DPYSL2: variants seen among roughly 807,000 people sequenced by gnomAD.
The protein encoded by DPYSL2 is dihydropyrimidinase like 2, also known as dihydropyrimidinase-related protein 2.
DPYSL2 carries 13 observed loss-of-function variants against 69.9 expected under a neutral mutation model. The observed-to-expected ratio is 0.19, with a 90% confidence interval of 0.12 to 0.30. DPYSL2 has a LOEUF of 0.30. Ranked by LOEUF, DPYSL2 falls within the 10% of genes least tolerant of loss-of-function variation. DPYSL2 has a pLI of 1.00. For synonymous variants in DPYSL2, 326 were observed against 359.1 expected (o/e 0.91, Z 1.04); for missense variants, 587 against 918.9 (o/e 0.64, Z 4.67).
In DPYSL2 at chr8:26,650,303, G is replaced by A. The variant is rs767977640; in HGVS notation, c.1597-1954G>A. On this transcript the variant is annotated intron_variant, in intron 11 of 13. Coordinates refer to ENST00000521913, the MANE Select transcript of DPYSL2 (RefSeq NM_001197293.3). The surrounding 1 kb of genome is among the most constrained non-coding windows in gnomAD (Gnocchi z 5.3). ...TGAACCCAGGGCAGATGTCTCCATG[G>A]CCGAGGCTGCGCCCATACTCTACCC... Among the ~76,000 whole-genome samples, 1 of 152,188 alleles carries A rather than the reference G, an allele frequency of 6.6e-6. No homozygotes were observed. The highest frequency in any genetic ancestry group is 1.5e-5 in the Non-Finnish European group (1 of 68,046).
chr8:26,598,508 A>G lies in DPYSL2; in HGVS notation c.628+14525A>G, dbSNP rs1404974558. Among the ~76,000 whole-genome samples the G allele has an allele frequency of 6.6e-6, 1 of 152,156 alleles. No individual in the cohort carries two copies. The highest frequency in any genetic ancestry group is 1.5e-5 in the Non-Finnish European group (1 of 68,044). On this transcript the variant is annotated intron_variant, in intron 3 of 13. Coordinates refer to ENST00000521913, the MANE Select transcript of DPYSL2 (RefSeq NM_001197293.3). This position sits in a 1 kb window ranked among gnomAD's most constrained non-coding sequence, Gnocchi z 4.2. ...TCCATGTTGCTGTACTTAATGCTTC[A>G]TGTTTTAGAATGTTAGTGCCAGCAG...
Position 26,652,257 on chromosome 8 carries a change from T to C in DPYSL2, c.1597T>C (p.Ser533Pro). ...AGAGTTTACTTTGCCTTCTTCTCAG[T>C]CTCTCGAGTACAACATCTTTGAAGG... is the stretch of plus-strand genomic sequence containing the variant. ...KTISAKTHNS[S>P]LEYNIFEGME... The change falls in exon 12 of 14, where the codon TCT becomes CCT. Residue 533 changes from serine to proline, a missense_variant and splice_region_variant. Ser to Pro is a moderately conservative substitution (Grantham distance 74). Transcript: ENST00000521913. The surrounding 1 kb of genome is among the most constrained non-coding windows in gnomAD (Gnocchi z 6.3). The C allele has an allele frequency of 6.2e-7, 1 of 1,611,152 alleles. No homozygotes were observed. Among genetic ancestry groups the C allele is most frequent in the Non-Finnish European group, 8.5e-7 (1 of 1,178,470 alleles).
chr8:26,525,281 A>G (rs1009706502), intron 1 of DPYSL2, among the ~76,000 whole-genome samples: 7 of 152,154 alleles, frequency 4.6e-5, no homozygotes, highest in Non-Finnish European at 8.8e-5. Context: ...GTGCGGTGGC[A>G]TCATCATAAG....
chr8:26,597,494 A>G lies in DPYSL2; in HGVS notation c.628+13511A>G, dbSNP rs1337007960. ...TTTCTTTTCTTTTCTTTTTTTTTGG[A>G]TACAGAGTCTCCCTCCGTTGCCTAG... On this transcript the variant is annotated intron_variant, in intron 3 of 13. Coordinates refer to ENST00000521913, the MANE Select transcript of DPYSL2 (RefSeq NM_001197293.3). The surrounding 1 kb of genome is among the most constrained non-coding windows in gnomAD (Gnocchi z 5.2). Among the ~76,000 whole-genome samples the G allele has an allele frequency of 6.6e-6, 1 of 151,072 alleles. No individual in the cohort carries two copies. Among genetic ancestry groups the G allele is most frequent in the Non-Finnish European group, 1.5e-5 (1 of 67,836 alleles).
chr8:26,519,793 G>A (rs1316585182), intron 1 of DPYSL2, among the ~76,000 whole-genome samples: 1 of 152,108 alleles, frequency 6.6e-6, no homozygotes, highest in Non-Finnish European at 1.5e-5. Flanking sequence ...GGCAAAATAT[G>A]TTACATCCCA....
rs1165739860 is a variant in DPYSL2, at chr8:26,656,446, C to G, written c.*740C>G. The G allele has an allele frequency of 6.6e-6, 1 of 152,552 alleles. No individual in the cohort carries two copies. The highest frequency in any genetic ancestry group is 1.5e-5 in the Non-Finnish European group (1 of 68,028). The allele number at this position is 152,552 out of a possible 1,614,324, so 9.4% of individuals were successfully genotyped here. On this transcript the variant is annotated 3_prime_UTR_variant, in exon 14 of 14. Transcript: ENST00000521913. ...TTAAATCCTTTGAGGATTCTCTTCT[C>G]TTTTACCATTTTTCTGCGTGCTCTC...
rs1317766883 is a variant in DPYSL2, at chr8:26,517,797, G to C, written c.354+3118G>C. Among the ~76,000 whole-genome samples, 1 of 152,220 alleles carries C rather than the reference G, an allele frequency of 6.6e-6. No homozygotes were observed. On this transcript the variant is annotated intron_variant, in intron 1 of 13. Coordinates refer to ENST00000521913, the MANE Select transcript of DPYSL2 (RefSeq NM_001197293.3). The surrounding 1 kb of genome is among the most constrained non-coding windows in gnomAD (Gnocchi z 4.2). ...CAGGGCAGGTGCCGCTGAATGAACT[G>C]CACAGTGCTGCTGAGCTTGGCAATG...
intron 1 of DPYSL2, among the ~76,000 whole-genome samples, chr8:26,530,867 T>C (rs1800500275): frequency 1.3e-5 from 2 of 152,168 alleles, no homozygotes; most frequent in Admixed American, 1.3e-4. Flanking sequence ...CAGTTCCTTA[T>C]ATGCTAGGTC....
In DPYSL2 at chr8:26,577,697, C is replaced by G. The variant is rs573262425; in HGVS notation, c.355-4272C>G. 3,529 of 637,978 alleles carry G rather than the reference C, an allele frequency of 5.5e-3. 17 individuals carry two copies. The highest frequency in any genetic ancestry group is 9.8e-3 in the Admixed American group (154 of 15,794). The allele number at this position is 637,978 out of a possible 1,614,324, so 39.5% of individuals were successfully genotyped here. On this transcript the variant is annotated intron_variant, in intron 1 of 13. Transcript: ENST00000521913. The stretch of plus-strand genomic sequence containing the variant: ...CCGCCAAACCCGGTCCCCACCGCCC[C>G]GGCCCGAAGAAAGCGCGCGAAAGGC...
At chr8:26,569,871 G>A (rs1801210628) in intron 1 of DPYSL2, among the ~76,000 whole-genome samples, 1 of 152,186 alleles carries the variant, frequency 6.6e-6, no homozygotes, top group Middle Eastern at 3.4e-3. Context: ...GCATGAGAGA[G>A]CTTGGGGACG....
chr8:26,618,025 TA>T (rs376728235), intron 3 of DPYSL2, among the ~76,000 whole-genome samples: 1 of 151,816 alleles, frequency 6.6e-6, no homozygotes, highest in African/African-American at 2.4e-5. Context: ...ATAAAACTGT[TA>T]AAAAAAACAG....
intron 1 of DPYSL2, among the ~76,000 whole-genome samples, chr8:26,563,611 C>G (rs534756735): frequency 6.6e-6 from 1 of 152,304 alleles, no homozygotes; most frequent in East Asian, 1.9e-4. Flanking sequence ...GCTCCCCTTC[C>G]TAGACCTTCC....
At position 26,598,140 on chromosome 8, in the gene DPYSL2, G is replaced by A. The variant is rs1253601458; in HGVS notation, c.628+14157G>A. ...GGGCTTGGACAAATTACATGTATGG[G>A]GGAGTAGCCCCTTCACCCCAGTTTT... On this transcript the variant is annotated intron_variant, in intron 3 of 13. Coordinates refer to ENST00000521913, the MANE Select transcript of DPYSL2 (RefSeq NM_001197293.3). The surrounding 1 kb of genome is among the most constrained non-coding windows in gnomAD (Gnocchi z 4.2). Among the ~76,000 whole-genome samples, 1 of 152,280 alleles carries A rather than the reference G, an allele frequency of 6.6e-6. No individual in the cohort carries two copies. Among genetic ancestry groups the A allele is most frequent in the East Asian group, 1.9e-4 (1 of 5,170 alleles).
At chr8:26,568,322 C>T (rs537030058) in intron 1 of DPYSL2, among the ~76,000 whole-genome samples, 7 of 152,152 alleles carry the variant, frequency 4.6e-5, no homozygotes, top group Non-Finnish European at 7.3e-5. Context: ...ACGTGCCATT[C>T]ACCTGTGACC....
At position 26,587,162 on chromosome 8, in the gene DPYSL2, G is replaced by C. The variant is rs73678816; in HGVS notation, c.628+3179G>C. On this transcript the variant is annotated intron_variant, in intron 3 of 13. Coordinates refer to ENST00000521913, the MANE Select transcript of DPYSL2 (RefSeq NM_001197293.3). This position sits in a 1 kb window ranked among gnomAD's most constrained non-coding sequence, Gnocchi z 4.2. ...TGGCTGGGATTTGCTTTACAGAGAA[G>C]GAGGCCTTGCAAAGAGAAATAGCTT... 0.024 allele frequency among the ~76,000 whole-genome samples: 3,724 copies of C among 152,278 alleles called. 140 individuals are homozygous for C. Among genetic ancestry groups the C allele is most frequent in the African/African-American group, 0.084 (3,473 of 41,522 alleles).
chr8:26,556,903 G>A (rs986950930), intron 1 of DPYSL2, among the ~76,000 whole-genome samples: 2 of 152,138 alleles, frequency 1.3e-5, no homozygotes, highest in Non-Finnish European at 2.9e-5. Context: ...AGAGCAGAGA[G>A]CCCAGAAGGG....
At chr8:26,545,459 G>A (rs895308084) in intron 1 of DPYSL2, among the ~76,000 whole-genome samples, 2 of 152,166 alleles carry the variant, frequency 1.3e-5, no homozygotes, top group African/African-American at 2.4e-5. Flanking sequence ...GTCTTAGCGA[G>A]GCGCAGTGGC....
chr8:26,576,287 G>A (rs1442767146), intron 1 of DPYSL2, among the ~76,000 whole-genome samples: 2 of 152,134 alleles, frequency 1.3e-5, no homozygotes, highest in African/African-American at 2.4e-5. Context: ...TGGAAGTCAG[G>A]CCCACAGCAG....
chr8:26,601,277 A>G (rs1801984365), intron 3 of DPYSL2, among the ~76,000 whole-genome samples: 1 of 152,146 alleles, frequency 6.6e-6, no homozygotes, highest in Non-Finnish European at 1.5e-5. Context: ...CCCAACTAGT[A>G]TGAGGCTGAA....
Sources: allele counts gnomAD v4.1 joint callset (sites outside exome capture counted in the v4.1 genomes callset), GRCh38; gene constraint gnomAD v4.1.1; non-coding constraint Gnocchi (gnomAD v3.1); transcripts MANE v1.5; gene names NCBI Gene and HGNC (gene_info 2026-07-23, HGNC 2026-07-21).